The following SERGEF variants were observed in gnomAD, a reference collection of about 807,000 sequenced individuals.
SERGEF encodes secretion-regulating guanine nucleotide exchange factor.
A neutral mutation model predicts 50.0 loss-of-function variants in SERGEF; 51 were observed. That is an observed-to-expected ratio of 1.02 (90% CI 0.81 to 1.29). The LOEUF is 1.29. Ranked by LOEUF, SERGEF falls within the 50% of genes most tolerant of loss-of-function variation. SERGEF has a pLI of 0.00. For synonymous variants in SERGEF, 205 were observed against 212.4 expected (o/e 0.97, Z 0.30); for missense variants, 521 against 557.0 (o/e 0.94, Z 0.65).
chr11:17,889,705 G>A (rs939015186), intron 9 of SERGEF, among the ~76,000 whole-genome samples: 6 of 152,118 alleles, frequency 3.9e-5, no homozygotes, highest in Admixed American at 3.3e-4. Context: ...TTCTATCAAC[G>A]TTAAATTGTT....
chr11:17,887,455 C>A (rs1269298641), intron 9 of SERGEF, among the ~76,000 whole-genome samples: 1 of 152,176 alleles, frequency 6.6e-6, no homozygotes. Context: ...AACTAAAAGA[C>A]AGGCAATTAA....
chr11:17,809,512 A>AT (rs1380076827), intron 10 of SERGEF, among the ~76,000 whole-genome samples: 1 of 152,166 alleles, frequency 6.6e-6, no homozygotes, highest in Non-Finnish European at 1.5e-5. Flanking sequence ...GACAGATCAC[A>AT]TTTAGGATGC....
chr11:17,828,956 G>A (rs539953135), intron 10 of SERGEF, among the ~76,000 whole-genome samples: 14 of 152,310 alleles, frequency 9.2e-5, no homozygotes, highest in African/African-American at 3.4e-4. Context: ...TCAGGGTTCA[G>A]CCTGTGAGCT....
At chr11:17,979,173 C>T (rs1390611703) in intron 8 of SERGEF, among the ~76,000 whole-genome samples, 1 of 152,182 alleles carries the variant, frequency 6.6e-6, no homozygotes, top group African/African-American at 2.4e-5. Context: ...ATGCTTAGGG[C>T]TGGTGGGTAC....
intron 10 of SERGEF, among the ~76,000 whole-genome samples, chr11:17,844,950 C>T (rs1850579324): frequency 6.6e-6 from 1 of 152,076 alleles, no homozygotes; most frequent in African/African-American, 2.4e-5. Flanking sequence ...CAAAAAACCC[C>T]TGTTTTAAGA....
At chr11:17,883,955 C>T (rs999479168) in intron 9 of SERGEF, among the ~76,000 whole-genome samples, 4 of 152,050 alleles carry the variant, frequency 2.6e-5, no homozygotes, top group African/African-American at 9.7e-5. Context: ...AATCGGGGCG[C>T]GGAAGAGTGG....
chr11:18,003,052 C>G (rs772543249), intron 4 of SERGEF, among the ~76,000 whole-genome samples: 6 of 152,190 alleles, frequency 3.9e-5, no homozygotes, highest in Admixed American at 1.3e-4. Context: ...ATACTTCCTT[C>G]AGGGACTACA....
At chr11:17,962,940 G>A (rs574511439) in intron 8 of SERGEF, among the ~76,000 whole-genome samples, 26 of 152,210 alleles carry the variant, frequency 1.7e-4, no homozygotes, top group African/African-American at 6.3e-4. Context: ...CCAGCACTTT[G>A]GGAGGCCAAG....
At chr11:17,841,326 T>C (rs531075816) in intron 10 of SERGEF, among the ~76,000 whole-genome samples, 15 of 152,238 alleles carry the variant, frequency 9.9e-5, no homozygotes, top group Non-Finnish European at 2.1e-4. Context: ...CTTCTACTGT[T>C]TATTTTTAGC....
At chr11:17,953,207 T>C (rs977102791) in intron 9 of SERGEF, among the ~76,000 whole-genome samples, 3 of 152,148 alleles carry the variant, frequency 2.0e-5, no homozygotes, top group African/African-American at 7.2e-5. Context: ...TGTCACATTC[T>C]GTTTGTCCTA....
In SERGEF at chr11:17,877,997, C is replaced by T. The variant is rs573853760; in HGVS notation, c.1048+211G>A. The stretch of plus-strand genomic sequence containing the variant: ...CCGGGCAGGGAGGCCAGCTCAGGTA[C>T]CTTAAAAAGATGCTCAATGATATGA... On this transcript the variant is annotated intron_variant, in intron 10 of 10. Coordinates refer to ENST00000265965, the MANE Select transcript of SERGEF (RefSeq NM_012139.4). The T allele has an allele frequency of 1.0e-4, 50 of 492,656 alleles. No homozygotes were observed. The Admixed American group carries it at 1.4e-3, about 14-fold the overall frequency. 30.5% of individuals were successfully genotyped at this position (492,656 alleles called of 1,614,324 possible).
At chr11:17,799,858 T>A (rs1373263289) in intron 10 of SERGEF, among the ~76,000 whole-genome samples, 3 of 152,192 alleles carry the variant, frequency 2.0e-5, no homozygotes, top group African/African-American at 7.2e-5. Context: ...TTCAATTCAT[T>A]TTGTACACAT....
At chr11:17,923,637 G>C (rs1397179165) in intron 9 of SERGEF, among the ~76,000 whole-genome samples, 1 of 152,184 alleles carries the variant, frequency 6.6e-6, no homozygotes, top group Non-Finnish European at 1.5e-5. Flanking sequence ...GGACTAATGA[G>C]AATACAGAGA....
chr11:17,917,511 C>T (rs939695899), intron 9 of SERGEF, among the ~76,000 whole-genome samples: 3 of 152,040 alleles, frequency 2.0e-5, no homozygotes, highest in African/African-American at 7.2e-5. Context: ...ACAATCACCG[C>T]TAAAGAACTT....
chr11:17,792,786 C>G (rs931340961), intron 10 of SERGEF, among the ~76,000 whole-genome samples: 7 of 152,302 alleles, frequency 4.6e-5, no homozygotes, highest in Middle Eastern at 6.8e-3. Flanking sequence ...AGAATCTGTG[C>G]TGAAGTCTGC....
intron 8 of SERGEF, among the ~76,000 whole-genome samples, chr11:17,985,164 T>C (rs887209624): frequency 6.6e-6 from 1 of 152,166 alleles, no homozygotes; most frequent in Non-Finnish European, 1.5e-5. Context: ...CAAGGTGGCA[T>C]TATCCCTGTG....
At chr11:18,000,391 G>A in intron 5 of SERGEF, 106 bp downstream of exon 5, 1 of 727,422 alleles carries the variant, frequency 1.4e-6, no homozygotes. Context: ...CAAGGCTACA[G>A]CAAGCTATGA....
intron 8 of SERGEF, among the ~76,000 whole-genome samples, chr11:17,960,236 G>A (rs1419327201): frequency 1.3e-5 from 2 of 151,968 alleles, no homozygotes; most frequent in Non-Finnish European, 2.9e-5. Flanking sequence ...GGAAGGGAGT[G>A]AGAGAAGAAA....
intron 10 of SERGEF, 98 bp downstream of exon 10, chr11:17,878,110 T>G: frequency 1.2e-6 from 1 of 837,146 alleles, no homozygotes; most frequent in Non-Finnish European, 2.0e-6. Flanking sequence ...CACACATGCA[T>G]GAGTGCACGC....
Sources: allele counts gnomAD v4.1 joint callset (sites outside exome capture counted in the v4.1 genomes callset), GRCh38; gene constraint gnomAD v4.1.1; transcripts MANE v1.5; gene names NCBI Gene and HGNC (gene_info 2026-07-23, HGNC 2026-07-21).